Variants in KLF12 observed in about 807,000 individuals in gnomAD.
KLF12 encodes KLF transcription factor 12.
A neutral mutation model predicts 37.8 loss-of-function variants in KLF12; 9 were observed. The observed-to-expected ratio is 0.24, with a 90% CI of 0.14 to 0.42. The LOEUF (loss-of-function observed/expected upper bound fraction) is 0.42, where lower values mean the gene tolerates loss of function less well. KLF12 is among the 10% of genes least tolerant of loss of function. The probability of loss-of-function intolerance (pLI) is 1.00; values close to 1 mark genes in which losing one functional copy is unlikely to be tolerated. For missense variants in KLF12, 411 were observed against 516.0 expected, an observed-to-expected ratio of 0.80 and a Z score of 1.97; for synonymous variants, 208 against 202.1, an observed-to-expected ratio of 1.03 and a Z score of -0.25.
intron 1 of KLF12, among the ~76,000 whole-genome samples, chr13:74,113,176 A>G (rs1356565410): frequency 4.6e-5 from 7 of 152,220 alleles, no homozygotes; most frequent in African/African-American, 1.2e-4. Flanking sequence ...TCTGCATAAC[A>G]TAAAGGTAGA....
the KLF12 span, among the ~76,000 whole-genome samples, chr13:74,265,247 T>G: frequency 6.6e-6 from 1 of 152,146 alleles, no homozygotes; most frequent in Non-Finnish European, 1.5e-5. Context: ...ATTGGAAAGA[T>G]CCTATGATTG....
intron 7 of KLF12, among the ~76,000 whole-genome samples, chr13:73,705,437 C>T (rs889781851): frequency 3.5e-4 from 54 of 152,212 alleles, no homozygotes; most frequent in African/African-American, 1.3e-3. Flanking sequence ...CCATGCCCAG[C>T]TAATTTTTGT....
the KLF12 span, among the ~76,000 whole-genome samples, chr13:74,268,086 A>C: frequency 3.9e-5 from 6 of 152,108 alleles, no homozygotes; most frequent in Admixed American, 1.3e-4. Context: ...ACTGTGAGAG[A>C]ATGAATTTTT....
chr13:73,996,443 G>A (rs1021528344), intron 1 of KLF12, among the ~76,000 whole-genome samples: 2 of 152,138 alleles, frequency 1.3e-5, no homozygotes, highest in Admixed American at 6.5e-5. Context: ...CTTCTTAGCC[G>A]AATGTTCAAT....
At chr13:74,127,600 T>G (rs573974544) in intron 1 of KLF12, among the ~76,000 whole-genome samples, 7 of 152,240 alleles carry the variant, frequency 4.6e-5, no homozygotes, top group Admixed American at 6.5e-5. Flanking sequence ...ATTGAAGAGA[T>G]AGTTTGAGTT....
chr13:74,273,915 T>G, the KLF12 span, among the ~76,000 whole-genome samples: 1 of 152,216 alleles, frequency 6.6e-6, no homozygotes, highest in African/African-American at 2.4e-5. Context: ...TGAGATGAAG[T>G]GACAGTTACT....
At chr13:74,034,299 C>A (rs1220274243) in intron 1 of KLF12, among the ~76,000 whole-genome samples, 1 of 152,126 alleles carries the variant, frequency 6.6e-6, no homozygotes, top group Non-Finnish European at 1.5e-5. Context: ...GAACTCCTTA[C>A]CTCAGGTGAT....
chr13:73,987,500 T>C (rs1275198323), intron 2 of KLF12, among the ~76,000 whole-genome samples: 1 of 151,900 alleles, frequency 6.6e-6, no homozygotes, highest in Admixed American at 6.6e-5. Context: ...ATTACTTTGG[T>C]AAGGTACTCT....
At chr13:74,222,975 G>C in the KLF12 span, among the ~76,000 whole-genome samples, 2 of 152,176 alleles carry the variant, frequency 1.3e-5, no homozygotes, top group Non-Finnish European at 2.9e-5. Flanking sequence ...GTAAGACTTA[G>C]AAAAGAAATT....
the KLF12 span, among the ~76,000 whole-genome samples, chr13:74,146,940 G>A: frequency 4.6e-5 from 7 of 152,298 alleles, no homozygotes; most frequent in African/African-American, 1.2e-4. Flanking sequence ...TCCTATACCC[G>A]ATACTGGTGG....
intron 6 of KLF12, among the ~76,000 whole-genome samples, chr13:73,733,803 C>G (rs942459839): frequency 8.5e-5 from 13 of 152,314 alleles, no homozygotes; most frequent in African/African-American, 3.1e-4. Flanking sequence ...TCCAATTTTT[C>G]TATACCCTCA....
chr13:73,763,210 A>C (rs544538423), intron 6 of KLF12, among the ~76,000 whole-genome samples: 8 of 152,286 alleles, frequency 5.3e-5, no homozygotes, highest in African/African-American at 1.9e-4. Context: ...TCTCCTTCTA[A>C]ACATTATATT....
At chr13:73,746,514 G>A (rs546964111) in intron 6 of KLF12, among the ~76,000 whole-genome samples, 10 of 151,902 alleles carry the variant, frequency 6.6e-5, no homozygotes, top group South Asian at 4.2e-4. Flanking sequence ...TACATATGCC[G>A]TTATATTCTC....
At chr13:73,846,611 T>G (rs993094679) in intron 3 of KLF12, among the ~76,000 whole-genome samples, 10 of 152,134 alleles carry the variant, frequency 6.6e-5, no homozygotes, top group Admixed American at 6.5e-5. Context: ...TTGGGACAGA[T>G]AGACAATTAT....
chr13:74,061,803 A>G (rs1873609198), intron 1 of KLF12, among the ~76,000 whole-genome samples: 1 of 152,226 alleles, frequency 6.6e-6, no homozygotes, highest in African/African-American at 2.4e-5. Context: ...GTAGAAATCA[A>G]GGTCACACAT....
chr13:74,049,623 CAAT>C (rs1274245295), intron 1 of KLF12, among the ~76,000 whole-genome samples: 3 of 152,072 alleles, frequency 2.0e-5, no homozygotes, highest in Admixed American at 1.3e-4. Flanking sequence ...GACAAAAAGA[CAAT>C]GATGATGTGG....
the KLF12 span, among the ~76,000 whole-genome samples, chr13:74,254,410 G>A: frequency 6.6e-6 from 1 of 152,144 alleles, no homozygotes; most frequent in African/African-American, 2.4e-5. Flanking sequence ...TTATTGTGCA[G>A]TTATGGTCTG....
intron 1 of KLF12, among the ~76,000 whole-genome samples, chr13:74,056,855 A>G (rs1202737567): frequency 2.0e-5 from 3 of 152,178 alleles, no homozygotes; most frequent in African/African-American, 7.2e-5. Context: ...CTCAGTGGAA[A>G]AATAAATCTG....
the KLF12 span, among the ~76,000 whole-genome samples, chr13:74,275,827 T>C: frequency 1.8e-3 from 214 of 117,094 alleles, 1 homozygote; most frequent in African/African-American, 7.2e-3. Flanking sequence ...TCTTTCTTTC[T>C]TTCTTTCTTT....
Sources: gnomAD v4.1 joint callset for allele counts (sites outside exome capture counted in the v4.1 genomes callset) on GRCh38, gnomAD v4.1.1 for gene constraint, MANE v1.5 for transcripts, NCBI Gene and HGNC (gene_info 2026-07-23, HGNC 2026-07-21) for gene names.